SRGAP2C: variants seen among roughly 807,000 people sequenced by gnomAD.
SRGAP2C encodes the protein SLIT-ROBO Rho GTPase-activating protein 2C.
In SRGAP2C, 15 loss-of-function variants were observed where a neutral mutation model predicts 25.1. That is an observed-to-expected ratio of 0.60 (90% CI 0.40 to 0.92). SRGAP2C has a LOEUF of 0.92. Among genes scored for constraint, SRGAP2C ranks in the 40% least tolerant of loss-of-function variants. The pLI is 0.00. For synonymous variants in SRGAP2C, 44 were observed against 96.6 expected (o/e 0.46, Z 3.19); for missense variants, 144 against 264.4 (o/e 0.54, Z 3.16).
chr1:121,363,975 AAAAAG>A (rs1474060429), intron 4 of SRGAP2C, among the ~76,000 whole-genome samples: 6 of 151,714 alleles, frequency 4.0e-5, no homozygotes, highest in Non-Finnish European at 5.9e-5. Context: ...TAATCAGAAA[AAAAAG>A]TATTTTTTAA....
chr1:121,314,024 C>G (rs1466090552), intron 3 of SRGAP2C, among the ~76,000 whole-genome samples: 2 of 129,438 alleles, frequency 1.5e-5, no homozygotes, highest in Non-Finnish European at 3.3e-5. Context: ...AGAGTGTTTT[C>G]CAACTTGGTT....
chr1:121,234,922 C>T (rs1172954679), intron 2 of SRGAP2C, among the ~76,000 whole-genome samples: 1 of 151,766 alleles, frequency 6.6e-6, no homozygotes, highest in Non-Finnish European at 1.5e-5. Flanking sequence ...ACTTCCTAGC[C>T]TCCAGAACTG....
At chr1:121,206,344 G>T (rs1277293594) in intron 2 of SRGAP2C, among the ~76,000 whole-genome samples, 1 of 152,174 alleles carries the variant, frequency 6.6e-6, no homozygotes, top group African/African-American at 2.4e-5. Context: ...TGTGTGCTGA[G>T]TGAGGGAGTA....
chr1:121,347,062 C>T (rs1296379495), intron 4 of SRGAP2C, among the ~76,000 whole-genome samples: 2 of 147,910 alleles, frequency 1.4e-5, no homozygotes, highest in African/African-American at 5.0e-5. Context: ...AGGAAATGAA[C>T]ATTAGACCAG....
At chr1:121,362,593 T>C (rs868946821) in intron 4 of SRGAP2C, among the ~76,000 whole-genome samples, 10 of 151,576 alleles carry the variant, frequency 6.6e-5, no homozygotes, top group African/African-American at 1.2e-4. Flanking sequence ...CTTTAACCTC[T>C]GCCATTCAAA....
At chr1:121,250,374 TA>T (rs1168685197) in intron 2 of SRGAP2C, among the ~76,000 whole-genome samples, 1 of 88,634 alleles carries the variant, frequency 1.1e-5, no homozygotes, top group Non-Finnish European at 2.2e-5. Flanking sequence ...ATCAGTAATA[TA>T]AATATATAAA....
At chr1:121,268,178 G>A (rs1394622283) in intron 2 of SRGAP2C, among the ~76,000 whole-genome samples, 1 of 150,970 alleles carries the variant, frequency 6.6e-6, no homozygotes, top group East Asian at 2.0e-4. Context: ...TGAGGTAAGA[G>A]CATAGAGAGT....
intron 7 of SRGAP2C, among the ~76,000 whole-genome samples, chr1:121,378,908 C>T (rs1429531527): frequency 9.9e-5 from 15 of 152,228 alleles, no homozygotes; most frequent in Non-Finnish European, 1.6e-4. Context: ...GCATCTGCCA[C>T]ACTGGGGAAA....
rs1199857616 is a variant in SRGAP2C, at chr1:121,196,415, C to T, written c.67+8902C>T. 5.9e-5 allele frequency among the ~76,000 whole-genome samples: 5 copies of T among 84,382 alleles called. 1 individual carries two copies. The allele number at this position is 84,382 out of a possible 152,430, so 55.4% of individuals were successfully genotyped here. On this transcript the variant is annotated intron_variant, in intron 2 of 9. Coordinates refer to ENST00000367123, the MANE Select transcript of SRGAP2C (RefSeq NM_001329984.2). ...TCTCTATTTCACCCACACAGTGCTT[C>T]TCTTAATAGATCTCATATGGCATTG...
intron 2 of SRGAP2C, among the ~76,000 whole-genome samples, chr1:121,284,126 C>T (rs1657309413): frequency 6.6e-6 from 1 of 151,992 alleles, no homozygotes; most frequent in Non-Finnish European, 1.5e-5. Context: ...ATATTGGAAA[C>T]TGTGAAATCT....
At chr1:121,289,448 A>G (rs1356066059) in intron 3 of SRGAP2C, among the ~76,000 whole-genome samples, 2 of 151,030 alleles carry the variant, frequency 1.3e-5, no homozygotes, top group African/African-American at 4.9e-5. Context: ...GCTGGCCCGC[A>G]AGCGCCGCAC....
At chr1:121,287,620 G>A (rs1657399315) in intron 3 of SRGAP2C, among the ~76,000 whole-genome samples, 1 of 152,162 alleles carries the variant, frequency 6.6e-6, no homozygotes, top group Admixed American at 6.5e-5. Context: ...AGGTTCAGAT[G>A]TGTTAATCTC....
chr1:121,216,303 C>T (rs1655383316), intron 2 of SRGAP2C, among the ~76,000 whole-genome samples: 1 of 152,070 alleles, frequency 6.6e-6, no homozygotes, highest in Non-Finnish European at 1.5e-5. Flanking sequence ...CACAGCAATG[C>T]TGTCTCTTCC....
At chr1:121,238,087 C>T (rs1171125790) in intron 2 of SRGAP2C, among the ~76,000 whole-genome samples, 2 of 106,298 alleles carry the variant, frequency 1.9e-5, no homozygotes, top group Non-Finnish European at 3.8e-5. Context: ...GAGCTGATCA[C>T]AGGAAACAGC....
intron 2 of SRGAP2C, among the ~76,000 whole-genome samples, chr1:121,222,182 T>C (rs1392216322): frequency 1.3e-5 from 2 of 152,118 alleles, no homozygotes; most frequent in Non-Finnish European, 2.9e-5. Context: ...GCTCAGAAAT[T>C]AAGATATGTG....
At chr1:121,384,445 G>A (rs1553355921) in intron 8 of SRGAP2C, among the ~76,000 whole-genome samples, 1 of 72,034 alleles carries the variant, frequency 1.4e-5, no homozygotes, top group African/African-American at 5.5e-5. Flanking sequence ...AAATGTCAGT[G>A]TCTGAACAGA....
At chr1:121,195,253 T>G (rs1164907380) in intron 2 of SRGAP2C, among the ~76,000 whole-genome samples, 18 of 152,050 alleles carry the variant, frequency 1.2e-4, no homozygotes, top group African/African-American at 4.3e-4. Flanking sequence ...TCTACAAAAA[T>G]ACAAAAATTA....
chr1:121,320,810 A>G (rs1475376025), intron 3 of SRGAP2C, among the ~76,000 whole-genome samples: 2 of 152,092 alleles, frequency 1.3e-5, no homozygotes, highest in Non-Finnish European at 2.9e-5. Context: ...TTAATTGGAT[A>G]AGCCCCAACA....
intron 2 of SRGAP2C, among the ~76,000 whole-genome samples, chr1:121,264,720 T>C (rs1250154414): frequency 6.6e-6 from 1 of 150,838 alleles, no homozygotes; most frequent in Non-Finnish European, 1.5e-5. Flanking sequence ...TTCTGTATAC[T>C]CCTACAGCAT....
Sources: allele counts gnomAD v4.1 joint callset (sites outside exome capture counted in the v4.1 genomes callset), GRCh38; gene constraint gnomAD v4.1.1; transcripts MANE v1.5; gene names NCBI Gene and HGNC (gene_info 2026-07-23, HGNC 2026-07-21).